Variants in USHBP1 observed in about 807,000 individuals in gnomAD.
The protein encoded by USHBP1 is harmonin-binding protein USHBP1.
USHBP1 carries 67 observed loss-of-function variants against 76.2 expected under a neutral mutation model. The ratio of observed to expected loss-of-function variants is 0.88; its 90% CI spans 0.72 to 1.08. USHBP1 has a LOEUF of 1.08. Ranked by LOEUF, USHBP1 falls within the 50% of genes least tolerant of loss-of-function variation. The pLI, the probability that USHBP1 is intolerant of heterozygous loss-of-function variation, is 0.00. For synonymous variants in USHBP1, 322 were observed against 362.2 expected, an observed-to-expected ratio of 0.89 and a Z score of 1.26; for missense variants, 931 against 915.0, an observed-to-expected ratio of 1.02 and a Z score of -0.23.
rs1599475214 is a variant in USHBP1 at position 17,259,695 on chromosome 19, A to G, written c.806T>C (p.Leu269Pro). ...GATCTGGGTGCTGGAATGGCTGCGG[A>G]GGCGCCGAAGCAGGGGGTGAGCCAG... is the stretch of plus-strand genomic sequence containing the variant. ...FSLAHPLLRR[L>P]RSHSSTQILG... Residue 269 changes from leucine to proline, a missense_variant, in exon 6 of 13, where the codon CTC becomes CCC. Transcript: ENST00000252597. 6.2e-7 allele frequency: 1 copy of G among 1,613,604 alleles called. No homozygotes were observed. The highest frequency in any genetic ancestry group is 8.5e-7 in the Non-Finnish European group (1 of 1,179,826).
intron 9 of USHBP1, 129 bp downstream of exon 9, chr19:17,256,342 C>T (rs1469498234): frequency 7.2e-7 from 1 of 1,386,176 alleles, no homozygotes; most frequent in Non-Finnish European, 9.8e-7. Context: ...AACCCCAGCT[C>T]CAATTCTCCC....
Position 17,262,838 on chromosome 19 carries a change from A to C in USHBP1, c.356T>G (p.Phe119Cys). 6.2e-7 allele frequency: 1 copy of C among 1,613,830 alleles called. No individual in the cohort carries two copies. Among genetic ancestry groups the C allele is most frequent in the Admixed American group, 1.7e-5 (1 of 60,002 alleles). Residue 119 changes from phenylalanine to cysteine, a missense_variant, in exon 4 of 13, where the codon TTT becomes TGT. Transcript: ENST00000252597. ...VPPGNGAPDVFQTLQHTLSSL... is the reference protein window; with the variant it reads ...VPPGNGAPDVCQTLQHTLSSL... ...GCTCAGAGTGTGCTGGAGGGTCTGA[A>C]ACACATCGGGGGCCCCATTCCCAGG... is the stretch of plus-strand genomic sequence containing the variant.
Position 17,249,812 on chromosome 19 carries a change from C to T in USHBP1, c.*413G>A. On this transcript the variant is annotated 3_prime_UTR_variant, in exon 13 of 13. Coordinates refer to ENST00000252597, the MANE Select transcript of USHBP1 (RefSeq NM_031941.4). ...CCTTCAGGAAAATCTGCCAGCCAAACCCAGCATCTCCCTGGGAAGGGGCTG... is the reference window on the plus strand; with the variant it reads ...CCTTCAGGAAAATCTGCCAGCCAAATCCAGCATCTCCCTGGGAAGGGGCTG... 5.3e-6 allele frequency: 1 copy of T among 189,428 alleles called. No individual in the cohort carries two copies. Among genetic ancestry groups the T allele is most frequent in the African/African-American group, 2.4e-5 (1 of 41,884 alleles). The allele number at this position is 189,428 out of a possible 1,614,324, so 11.7% of individuals were successfully genotyped here.
Position 17,264,052 on chromosome 19 carries a change from C to T in USHBP1, c.153G>A (p.Leu51=), listed in dbSNP as rs1177998935. The T allele has an allele frequency of 6.2e-7, 1 of 1,612,610 alleles. No homozygotes were observed. Among genetic ancestry groups the T allele is most frequent in the Non-Finnish European group, 8.5e-7 (1 of 1,179,364 alleles). The change falls in exon 3 of 13, where the codon CTG becomes CTA. Residue 51 remains leucine (L), a synonymous_variant. Transcript: ENST00000252597. The part of the protein sequence containing the change: ...SFAPPPVSSG[L]EQLGPMEEVS... ...CCTCCTCCATGGGGCCCAGCTGCTCCAGCCCGGAGCTCACCGGAGGTGGGG... is the reference window on the plus strand; with the variant it reads ...CCTCCTCCATGGGGCCCAGCTGCTCTAGCCCGGAGCTCACCGGAGGTGGGG...
intron 4 of USHBP1, among the ~76,000 whole-genome samples, chr19:17,262,054 G>T (rs1303461210): frequency 6.9e-6 from 1 of 144,816 alleles, no homozygotes; most frequent in African/African-American, 2.6e-5. Flanking sequence ...AGGTTGGAGT[G>T]CATTGGCACG....
chr19:17,264,242 T>G lies in USHBP1; in HGVS notation c.54+4A>C. 6.2e-7 allele frequency: 1 copy of G among 1,613,494 alleles called. No homozygotes were observed. The highest frequency in any genetic ancestry group is 8.5e-7 in the Non-Finnish European group (1 of 1,179,846). The stretch of plus-strand genomic sequence containing the variant: ...GGGTGTGGAGGGGAGAGGGTGACAC[T>G]TACGGGTGGAGCATGCCTCCCTCGC... On this transcript the variant is annotated splice_donor_region_variant and intron_variant, in intron 2 of 12. Coordinates refer to ENST00000252597, the MANE Select transcript of USHBP1 (RefSeq NM_031941.4).
intron 4 of USHBP1, among the ~76,000 whole-genome samples, chr19:17,260,638 G>C (rs749694119): frequency 6.6e-6 from 1 of 152,110 alleles, no homozygotes; most frequent in Non-Finnish European, 1.5e-5. Flanking sequence ...CAGCCACATG[G>C]CTTTAAATGC....
intron 10 of USHBP1, among the ~76,000 whole-genome samples, chr19:17,252,635 G>C (rs68179022): frequency 0.17 from 25,819 of 151,648 alleles, 2,419 homozygotes; most frequent in Non-Finnish European, 0.2. Context: ...GCTAAGGCAG[G>C]AGAATCGCTT....
At chr19:17,256,345 A>T in intron 9 of USHBP1, 126 bp downstream of exon 9, 1 of 1,406,084 alleles carries the variant, frequency 7.1e-7, no homozygotes, top group Non-Finnish European at 9.6e-7. Context: ...CCCAGCTCCA[A>T]TTCTCCCTTC....
chr19:17,255,876 C>T (rs1466964721), intron 9 of USHBP1, among the ~76,000 whole-genome samples: 1 of 152,084 alleles, frequency 6.6e-6, no homozygotes, highest in Non-Finnish European at 1.5e-5. Flanking sequence ...TGGTGCACAC[C>T]CGTAATCCCA....
At position 17,260,798 on chromosome 19, in the gene USHBP1, A is replaced by G. The variant is rs964062444; in HGVS notation, c.643-776T>C. Among the ~76,000 whole-genome samples, 10 of 151,876 alleles carry G rather than the reference A, an allele frequency of 6.6e-5. 1 individual carries two copies. Among genetic ancestry groups the G allele is most frequent in the Non-Finnish European group, 1.5e-4 (10 of 67,950 alleles). ...TATCAAGGGCTAAAGAGATCTGGTC[A>G]CCCCCAGCCAAACCTGCCTACCCTG... On this transcript the variant is annotated intron_variant, in intron 4 of 12. Coordinates refer to ENST00000252597, the MANE Select transcript of USHBP1 (RefSeq NM_031941.4).
At chr19:17,256,749 CA>C (rs752167280) in intron 8 of USHBP1, 29 bp from the exon 9 acceptor site, 45 of 1,613,274 alleles carry the variant, frequency 2.8e-5, no homozygotes, top group Non-Finnish European at 3.8e-5. Flanking sequence ...GTGCCTATGT[CA>C]ACACTGGCAG....
chr19:17,258,439 T>C (rs2073648158), intron 7 of USHBP1, 54 bp from the exon 8 acceptor site: 1 of 1,577,368 alleles, frequency 6.3e-7, no homozygotes, highest in Non-Finnish European at 8.6e-7. Context: ...CTGGGTGCAA[T>C]GGCCCTCACC....
At position 17,258,250 on chromosome 19, in the gene USHBP1, A is replaced by T. The variant is rs138647900; in HGVS notation, c.1182T>A (p.Ala394=). Residue 394 remains alanine, a synonymous_variant, in exon 8 of 13, where the codon GCT becomes GCA. Coordinates refer to ENST00000252597, the MANE Select transcript of USHBP1 (RefSeq NM_031941.4). ...TCTGCTGTGCTCCTGCATCCATGGC[A>T]GCCTCCTCTTGTGCCAGCAGCCTCC... ...EAWRLLAQEE[A]AMDAGAQQNP... is the part of the protein sequence containing the mutation. The T allele has an allele frequency of 8.9e-5, 143 of 1,614,080 alleles. No individual in the cohort carries two copies. The African/African-American group carries it at 1.6e-3, about 18-fold the overall frequency.
At chr19:17,252,641 C>T (rs2073566864) in intron 10 of USHBP1, among the ~76,000 whole-genome samples, 1 of 151,706 alleles carries the variant, frequency 6.6e-6, no homozygotes, top group African/African-American at 2.4e-5. Flanking sequence ...GCAGGAGAAT[C>T]GCTTGAACTT....
At chr19:17,259,847 C>T in intron 5 of USHBP1, 50 bp downstream of exon 5, 1 of 1,593,604 alleles carries the variant, frequency 6.3e-7, no homozygotes, top group Non-Finnish European at 8.6e-7. Flanking sequence ...GTCTCATTCC[C>T]CTGAAGGCTA....
intron 10 of USHBP1, among the ~76,000 whole-genome samples, chr19:17,252,649 C>G (rs1199196858): frequency 6.6e-6 from 1 of 151,608 alleles, no homozygotes; most frequent in Non-Finnish European, 1.5e-5. Flanking sequence ...ATCGCTTGAA[C>G]TTGGGAGGCG....
chr19:17,259,480 C>T, intron 6 of USHBP1, 51 bp from the exon 7 acceptor site: 1 of 1,610,764 alleles, frequency 6.2e-7, no homozygotes, highest in Admixed American at 1.7e-5. Context: ...CTAAGGCAGT[C>T]AGGCCTCAAT....
intron 10 of USHBP1, among the ~76,000 whole-genome samples, chr19:17,253,631 G>T (rs1191923074): frequency 6.8e-6 from 1 of 148,064 alleles, no homozygotes; most frequent in African/African-American, 2.5e-5. Context: ...GGTGGCTCAC[G>T]TCTGTAATCC....
Sources: allele counts gnomAD v4.1 joint callset (sites outside exome capture counted in the v4.1 genomes callset), GRCh38; gene constraint gnomAD v4.1.1; transcripts MANE v1.5; gene names NCBI Gene and HGNC (gene_info 2026-07-23, HGNC 2026-07-21).